Variants in LMBRD1 observed in about 807,000 individuals in gnomAD.
LMBRD1 encodes lysosomal cobalamin transport escort protein LMBD1.
A neutral mutation model predicts 74.8 loss-of-function variants in LMBRD1; 64 were observed. That is an observed-to-expected ratio of 0.86 (90% CI 0.70 to 1.05). The LOEUF is 1.05. Ranked by LOEUF, LMBRD1 falls within the 50% of genes least tolerant of loss-of-function variation. LMBRD1 has a pLI of 0.00. For missense variants in LMBRD1, 652 were observed against 645.9 expected (o/e 1.01, Z -0.10); for synonymous variants, 204 against 216.3 (o/e 0.94, Z 0.50).
rs547144091 is a variant in LMBRD1, at chr6:69,674,208, T to C, written c.*1950A>G. ...CTCCCCCTTCTTATAAGAACACCAG[T>C]CATATTGGATTTGGGCTTCACGCAA... On this transcript the variant is annotated 3_prime_UTR_variant, in exon 16 of 16. Transcript: ENST00000649934. 2.0e-5 allele frequency among the ~76,000 whole-genome samples: 3 copies of C among 152,260 alleles called. No individual in the cohort carries two copies. Among genetic ancestry groups the C allele is most frequent in the Non-Finnish European group, 4.4e-5 (3 of 68,022 alleles).
At chr6:69,751,973 G>C (rs1287656150) in intron 4 of LMBRD1, among the ~76,000 whole-genome samples, 2 of 151,684 alleles carry the variant, frequency 1.3e-5, no homozygotes, top group Non-Finnish European at 2.9e-5. Flanking sequence ...TAGCTTGATT[G>C]TTGTGTAAAA....
At chr6:69,783,653 A>C (rs1430938935) in intron 2 of LMBRD1, among the ~76,000 whole-genome samples, 2 of 152,190 alleles carry the variant, frequency 1.3e-5, no homozygotes, top group Non-Finnish European at 2.9e-5. Flanking sequence ...GGTGTGAGCC[A>C]CCATACCTGG....
Position 69,676,630 on chromosome 6 carries a change from C to T in LMBRD1, c.1418-89G>A, listed in dbSNP as rs1765553014. 2.1e-5 allele frequency: 22 copies of T among 1,023,872 alleles called. No homozygotes were observed. The Admixed American group carries it at 3.8e-4, about 18-fold the overall frequency. 63.4% of individuals were successfully genotyped at this position (1,023,872 alleles called of 1,614,324 possible). ...TTCTCTAAAAGATTATTAACCAAAG[C>T]TAATGACTAAGATCATATGGCTAGT... On this transcript the variant is annotated intron_variant, in intron 14 of 15. Coordinates refer to ENST00000649934, the MANE Select transcript of LMBRD1 (RefSeq NM_018368.4).
intron 9 of LMBRD1, among the ~76,000 whole-genome samples, chr6:69,704,216 G>A (rs1321982296): frequency 6.6e-6 from 1 of 151,976 alleles, no homozygotes; most frequent in East Asian, 1.9e-4. Flanking sequence ...TTCAGAATAT[G>A]CAAAATCTTG....
chr6:69,743,717 T>A (rs372792668), intron 5 of LMBRD1, among the ~76,000 whole-genome samples: 1 of 152,192 alleles, frequency 6.6e-6, no homozygotes, highest in East Asian at 1.9e-4. Context: ...TATTTTCACA[T>A]AAACTAAGAA....
Position 69,754,054 on chromosome 6 carries a change from C to T in LMBRD1, c.308-1698G>A, listed in dbSNP as rs187430661. On this transcript the variant is annotated intron_variant, in intron 3 of 15. Transcript: ENST00000649934. ...TAAGCCAGTCACAAAAAGACAAATACGATATGACTCTACTTATATGAGGTA... is the reference window on the plus strand; with the variant it reads ...TAAGCCAGTCACAAAAAGACAAATATGATATGACTCTACTTATATGAGGTA... Among the ~76,000 whole-genome samples, 36 of 151,874 alleles carry T rather than the reference C, an allele frequency of 2.4e-4. 1 individual carries two copies. The highest frequency in any genetic ancestry group is 9.7e-4 in the East Asian group (5 of 5,178).
chr6:69,688,156 C>A (rs187425860), intron 14 of LMBRD1, among the ~76,000 whole-genome samples: 2 of 152,088 alleles, frequency 1.3e-5, no homozygotes, highest in Non-Finnish European at 2.9e-5. Flanking sequence ...CTTTTTATTT[C>A]ACCCTTTAAG....
intron 2 of LMBRD1, among the ~76,000 whole-genome samples, chr6:69,783,977 G>A (rs3799119): frequency 0.36 from 54,297 of 152,050 alleles, 10,361 homozygotes; most frequent in East Asian, 0.54. Context: ...GTGGCAACAG[G>A]AGTATTGCTG....
chr6:69,745,075 C>T (rs929605039), intron 5 of LMBRD1, among the ~76,000 whole-genome samples: 6 of 151,818 alleles, frequency 4.0e-5, no homozygotes, highest in Non-Finnish European at 8.8e-5. Flanking sequence ...ACCTCGTGAT[C>T]CACCTCCCTC....
At chr6:69,733,262 T>C (rs1256589368) in intron 7 of LMBRD1, among the ~76,000 whole-genome samples, 1 of 152,160 alleles carries the variant, frequency 6.6e-6, no homozygotes, top group Non-Finnish European at 1.5e-5. Context: ...TTAATTAAGA[T>C]TAAACCTATT....
chr6:69,791,848 T>C (rs1313337671), intron 1 of LMBRD1, among the ~76,000 whole-genome samples: 1 of 152,202 alleles, frequency 6.6e-6, no homozygotes, highest in African/African-American at 2.4e-5. Context: ...AGAGCAGTTT[T>C]CCATGACTAG....
At chr6:69,708,306 CCCTT>C (rs1205604786) in intron 9 of LMBRD1, among the ~76,000 whole-genome samples, 1 of 152,152 alleles carries the variant, frequency 6.6e-6, no homozygotes, top group Non-Finnish European at 1.5e-5. Context: ...AAACTAATCT[CCCTT>C]CATTTCCATG....
At chr6:69,762,198 T>C (rs1260343748) in intron 3 of LMBRD1, among the ~76,000 whole-genome samples, 1 of 152,218 alleles carries the variant, frequency 6.6e-6, no homozygotes, top group African/African-American at 2.4e-5. Context: ...CTTTCCAGTT[T>C]GGGACTACTA....
chr6:69,724,811 A>G (rs1766692471), intron 7 of LMBRD1, among the ~76,000 whole-genome samples: 1 of 152,036 alleles, frequency 6.6e-6, no homozygotes, highest in Admixed American at 6.5e-5. Context: ...TTCTGGAGCA[A>G]GACAAGGATG....
intron 3 of LMBRD1, among the ~76,000 whole-genome samples, chr6:69,774,046 C>T (rs1439889908): frequency 3.3e-5 from 5 of 152,210 alleles, no homozygotes; most frequent in Non-Finnish European, 7.3e-5. Flanking sequence ...TGGTTTGGCT[C>T]TGCGTCCCCA....
intron 3 of LMBRD1, among the ~76,000 whole-genome samples, chr6:69,780,181 G>A (rs1344789710): frequency 5.0e-5 from 7 of 140,866 alleles, no homozygotes; most frequent in African/African-American, 1.6e-4. Context: ...AACCAATCCT[G>A]AGCCCTATGC....
intron 14 of LMBRD1, among the ~76,000 whole-genome samples, chr6:69,683,425 C>T (rs1765702124): frequency 6.6e-6 from 1 of 151,914 alleles, no homozygotes; most frequent in Non-Finnish European, 1.5e-5. Flanking sequence ...TAATTAGCTG[C>T]CATTTGGGTG....
chr6:69,738,586 A>C (rs1425972993), intron 6 of LMBRD1, among the ~76,000 whole-genome samples: 1 of 147,954 alleles, frequency 6.8e-6, no homozygotes, highest in Non-Finnish European at 1.5e-5. Flanking sequence ...CAACGAGAAA[A>C]TAGGTTTAAA....
intron 7 of LMBRD1, among the ~76,000 whole-genome samples, chr6:69,727,084 G>A (rs781729536): frequency 9.9e-5 from 15 of 152,134 alleles, no homozygotes; most frequent in Admixed American, 2.0e-4. Context: ...TCTTGAACCC[G>A]GGTAGTGGAG....
Sources: allele counts gnomAD v4.1 joint callset (sites outside exome capture counted in the v4.1 genomes callset), GRCh38; gene constraint gnomAD v4.1.1; transcripts MANE v1.5; gene names NCBI Gene and HGNC (gene_info 2026-07-23, HGNC 2026-07-21).